Variants in COL8A1 observed in about 807,000 individuals in gnomAD.
The protein encoded by COL8A1 is collagen alpha-1(VIII) chain.
COL8A1 carries 21 observed loss-of-function variants against 42.7 expected under a neutral mutation model. The ratio of observed to expected loss-of-function variants is 0.49; its 90% CI spans 0.35 to 0.71. The LOEUF (loss-of-function observed/expected upper bound fraction) is 0.71. COL8A1 is among the 30% of genes least tolerant of loss of function. The pLI is 0.01. For synonymous variants in COL8A1, 367 were observed against 369.1 expected, an observed-to-expected ratio of 0.99 and a Z score of 0.06; for missense variants, 788 against 962.4, an observed-to-expected ratio of 0.82 and a Z score of 2.40.
chr3:99,721,471 G>A (rs1369781163), intron 1 of COL8A1, among the ~76,000 whole-genome samples: 1 of 151,628 alleles, frequency 6.6e-6, no homozygotes, highest in Non-Finnish European at 1.5e-5. Flanking sequence ...GGGAAGGGAA[G>A]GGAGGGGAAG....
At chr3:99,737,016 T>C (rs1381053301) in intron 1 of COL8A1, among the ~76,000 whole-genome samples, 1 of 152,194 alleles carries the variant, frequency 6.6e-6, no homozygotes, top group African/African-American at 2.4e-5. Flanking sequence ...TGATCTTTGT[T>C]GGTTTAAAGT....
At chr3:99,772,358 C>A (rs972863082) in intron 2 of COL8A1, among the ~76,000 whole-genome samples, 2 of 152,108 alleles carry the variant, frequency 1.3e-5, no homozygotes, top group Non-Finnish European at 2.9e-5. Context: ...ATTCTTGGAG[C>A]GGTGAAACTA....
intron 1 of COL8A1, among the ~76,000 whole-genome samples, chr3:99,648,204 T>C (rs1055235590): frequency 1.3e-5 from 2 of 152,174 alleles, no homozygotes; most frequent in Non-Finnish European, 2.9e-5. Flanking sequence ...GCAAATTGCC[T>C]AGGGCCACAC....
chr3:99,710,481 CTAAGT>C (rs1939803345), intron 1 of COL8A1, among the ~76,000 whole-genome samples: 1 of 152,174 alleles, frequency 6.6e-6, no homozygotes, highest in Admixed American at 6.5e-5. Flanking sequence ...TTAAACTAAG[CTAAGT>C]TGCCAGTGGC....
At chr3:99,752,246 T>C (rs1478927488) in intron 2 of COL8A1, among the ~76,000 whole-genome samples, 1 of 152,054 alleles carries the variant, frequency 6.6e-6, no homozygotes, top group Admixed American at 6.6e-5. Flanking sequence ...ATCTGTAAAG[T>C]AGAAATAAGA....
At chr3:99,779,044 G>C (rs1033221740) in intron 2 of COL8A1, among the ~76,000 whole-genome samples, 2 of 152,094 alleles carry the variant, frequency 1.3e-5, no homozygotes, top group Non-Finnish European at 2.9e-5. Context: ...ATGCATTACA[G>C]ATTTGCTTCA....
chr3:99,712,214 G>T (rs1443955687), intron 1 of COL8A1, among the ~76,000 whole-genome samples: 1 of 152,144 alleles, frequency 6.6e-6, no homozygotes, highest in East Asian at 1.9e-4. Context: ...AGTTATTTGT[G>T]ACGGTTCAAG....
chr3:99,679,369 T>C (rs1365438582), intron 1 of COL8A1: 1 of 152,128 alleles, frequency 6.6e-6, no homozygotes, highest in Non-Finnish European at 1.5e-5. Flanking sequence ...ACCTATGTTC[T>C]CTTTATAGGA....
Position 99,795,893 on chromosome 3 carries a change from A to G in COL8A1, c.1992A>G (p.Ala664=). 6.2e-7 allele frequency: 1 copy of G among 1,614,182 alleles called. No homozygotes were observed. The highest frequency in any genetic ancestry group is 1.1e-5 in the South Asian group (1 of 91,088). Residue 664 remains alanine, a synonymous_variant, in exon 4 of 4, where the codon GCA becomes GCG. Transcript: ENST00000652472. ...AGGTCCCTGGTGTCTACTACTTTGC[A>G]TACCACGTTCACTGCAAGGGGGGCA... is the stretch of plus-strand genomic sequence containing the variant. The part of the protein sequence containing the change: ...TCEVPGVYYF[A]YHVHCKGGNV...
chr3:99,696,477 A>G (rs1939369095), intron 1 of COL8A1, among the ~76,000 whole-genome samples: 1 of 152,216 alleles, frequency 6.6e-6, no homozygotes, highest in Admixed American at 6.5e-5. Context: ...AGAGCAACCA[A>G]CAGCGGCTAA....
chr3:99,714,199 G>A (rs115841208), intron 1 of COL8A1, among the ~76,000 whole-genome samples: 19 of 152,050 alleles, frequency 1.2e-4, no homozygotes, highest in Non-Finnish European at 2.6e-4. Context: ...TGGCTGTAAT[G>A]CAAGTAGCTC....
chr3:99,714,379 C>A (rs928711287), intron 1 of COL8A1, among the ~76,000 whole-genome samples: 1 of 150,542 alleles, frequency 6.6e-6, no homozygotes, highest in Non-Finnish European at 1.5e-5. Context: ...TGGAAGGCAG[C>A]AATTTCTGAA....
At chr3:99,700,264 C>T (rs1212650595) in intron 1 of COL8A1, among the ~76,000 whole-genome samples, 2 of 151,952 alleles carry the variant, frequency 1.3e-5, no homozygotes, top group Non-Finnish European at 2.9e-5. Context: ...CCTGCACGTT[C>T]TGCACGTGTA....
intron 1 of COL8A1, among the ~76,000 whole-genome samples, chr3:99,698,431 C>T (rs1198102649): frequency 1.3e-5 from 2 of 152,190 alleles, no homozygotes; most frequent in Admixed American, 1.3e-4. Flanking sequence ...TTACTGATAG[C>T]ACTAGTGCTA....
intron 2 of COL8A1, among the ~76,000 whole-genome samples, chr3:99,775,371 G>A (rs35535760): frequency 0.092 from 13,968 of 152,184 alleles, 832 homozygotes; most frequent in Non-Finnish European, 0.13. Flanking sequence ...TGGGAAGCAC[G>A]AGACCCTCTT....
intron 2 of COL8A1, among the ~76,000 whole-genome samples, chr3:99,790,247 G>A (rs144855399): frequency 2.0e-5 from 3 of 152,354 alleles, no homozygotes; most frequent in Non-Finnish European, 4.4e-5. Flanking sequence ...AAGGAAGGAG[G>A]AAGGGGAAGA....
At chr3:99,655,657 A>G (rs1937994516) in intron 1 of COL8A1, among the ~76,000 whole-genome samples, 1 of 152,252 alleles carries the variant, frequency 6.6e-6, no homozygotes, top group South Asian at 2.1e-4. Context: ...GACAATTTCA[A>G]CTTCATAGTA....
At chr3:99,656,944 T>C (rs1242781155) in intron 1 of COL8A1, among the ~76,000 whole-genome samples, 1 of 152,240 alleles carries the variant, frequency 6.6e-6, no homozygotes, top group Non-Finnish European at 1.5e-5. Context: ...TGTCAGAACT[T>C]TCTTGACAAA....
chr3:99,665,481 G>C (rs950224159), intron 1 of COL8A1, among the ~76,000 whole-genome samples: 1 of 152,090 alleles, frequency 6.6e-6, no homozygotes, highest in Non-Finnish European at 1.5e-5. Flanking sequence ...AATCTTTTTA[G>C]ACTTGATCAC....
Sources: allele counts gnomAD v4.1 joint callset (sites outside exome capture counted in the v4.1 genomes callset), GRCh38; gene constraint gnomAD v4.1.1; transcripts MANE v1.5; gene names NCBI Gene and HGNC (gene_info 2026-07-23, HGNC 2026-07-21).